The following GRID1 variants were observed in gnomAD, a reference collection of about 807,000 sequenced individuals.
The protein encoded by GRID1 is glutamate ionotropic receptor delta type subunit 1, also known as glutamate receptor ionotropic, delta-1.
Under a neutral mutation model 98.0 loss-of-function variants are expected in GRID1, and 28 were observed. The observed-to-expected ratio is 0.29, with a 90% CI of 0.21 to 0.39. GRID1 has a LOEUF of 0.39. Among genes scored for constraint, GRID1 ranks in the 10% least tolerant of loss-of-function variants. The pLI is 1.00. For synonymous variants in GRID1, 553 were observed against 538.5 expected (o/e 1.03, Z -0.37); for missense variants, 1,111 against 1,340.5 (o/e 0.83, Z 2.67).
chr10:86,060,606 A>G (rs935470433), intron 4 of GRID1, among the ~76,000 whole-genome samples: 4 of 152,312 alleles, frequency 2.6e-5, no homozygotes, highest in South Asian at 2.1e-4. Flanking sequence ...TCACTTAACC[A>G]TGTCAGGTGT....
intron 2 of GRID1, among the ~76,000 whole-genome samples, chr10:86,345,284 A>C (rs2132112753): frequency 6.6e-6 from 1 of 152,352 alleles, no homozygotes; most frequent in East Asian, 1.9e-4. Context: ...AAAGTCACTC[A>C]GAGTGGTGCA....
chr10:86,150,123 C>A (rs1226327584), intron 3 of GRID1, among the ~76,000 whole-genome samples: 5 of 152,182 alleles, frequency 3.3e-5, no homozygotes, highest in African/African-American at 1.2e-4. Flanking sequence ...TGCTTTGATG[C>A]CATTTTTTCA....
chr10:85,711,082 T>A (rs541503110), intron 12 of GRID1, among the ~76,000 whole-genome samples: 2 of 152,100 alleles, frequency 1.3e-5, no homozygotes, highest in East Asian at 3.9e-4. Flanking sequence ...TTCAAAAAAA[T>A]TAAACATAGG....
At chr10:86,256,777 A>T (rs1846926024) in intron 2 of GRID1, among the ~76,000 whole-genome samples, 1 of 152,124 alleles carries the variant, frequency 6.6e-6, no homozygotes, top group Admixed American at 6.5e-5. Context: ...TGCCCTTCAA[A>T]GCTGGCCTCT....
chr10:86,356,220 C>T (rs1388372087), intron 2 of GRID1, among the ~76,000 whole-genome samples: 2 of 152,200 alleles, frequency 1.3e-5, no homozygotes. Context: ...AGGGACAAGT[C>T]GCTGAGTACA....
intron 4 of GRID1, among the ~76,000 whole-genome samples, chr10:86,017,053 A>T (rs1367257417): frequency 6.6e-6 from 1 of 152,236 alleles, no homozygotes; most frequent in East Asian, 1.9e-4. Flanking sequence ...AGTTACACAC[A>T]TGTAACTACA....
chr10:85,685,414 T>C (rs1590189398), intron 12 of GRID1, among the ~76,000 whole-genome samples: 1 of 152,170 alleles, frequency 6.6e-6, no homozygotes, highest in South Asian at 2.1e-4. Flanking sequence ...AGAAAAAGAA[T>C]GCTTCAATAA....
intron 8 of GRID1, among the ~76,000 whole-genome samples, chr10:85,783,071 G>A (rs1000327522): frequency 6.6e-6 from 1 of 152,160 alleles, no homozygotes; most frequent in African/African-American, 2.4e-5. Context: ...CACAAACAGG[G>A]AAATGCTATT....
intron 12 of GRID1, among the ~76,000 whole-genome samples, chr10:85,694,958 T>C (rs1841377698): frequency 1.3e-5 from 2 of 151,838 alleles, no homozygotes; most frequent in Admixed American, 1.3e-4. Flanking sequence ...CTTAAATTAA[T>C]ACAAATAAAA....
chr10:85,784,254 A>G (rs751160194), intron 8 of GRID1, among the ~76,000 whole-genome samples: 1 of 152,234 alleles, frequency 6.6e-6, no homozygotes, highest in Non-Finnish European at 1.5e-5. Context: ...TTTACTTTCA[A>G]TAGTGGGGTC....
chr10:86,187,515 A>G (rs1237033208), intron 3 of GRID1, among the ~76,000 whole-genome samples: 5 of 152,214 alleles, frequency 3.3e-5, no homozygotes, highest in African/African-American at 4.8e-5. Context: ...TATGAGAATT[A>G]ACGAATATCC....
At chr10:85,751,135 G>C (rs1842041914) in intron 8 of GRID1, among the ~76,000 whole-genome samples, 1 of 152,174 alleles carries the variant, frequency 6.6e-6, no homozygotes, top group Non-Finnish European at 1.5e-5. Context: ...CAGGAGAGAA[G>C]AGAGCCATGA....
intron 12 of GRID1, among the ~76,000 whole-genome samples, chr10:85,722,801 A>G (rs889128265): frequency 2.0e-5 from 3 of 152,162 alleles, no homozygotes; most frequent in African/African-American, 7.2e-5. Context: ...ATATTATTTA[A>G]TGAATTTATA....
At chr10:86,248,105 T>G (rs1162268912) in intron 2 of GRID1, among the ~76,000 whole-genome samples, 1 of 152,250 alleles carries the variant, frequency 6.6e-6, no homozygotes, top group Non-Finnish European at 1.5e-5. Context: ...TCAGAATCAC[T>G]GCTTGCTTAT....
At position 86,056,581 on chromosome 10, in the gene GRID1, C is replaced by T. The variant is rs1325678212; in HGVS notation, c.726+82238G>A. Among the ~76,000 whole-genome samples, 3 of 152,352 alleles carry T rather than the reference C, an allele frequency of 2.0e-5. No homozygotes were observed. In the East Asian group the frequency reaches 5.8e-4, roughly 29 times the overall value. On this transcript the variant is annotated intron_variant, in intron 4 of 15. Coordinates refer to ENST00000327946, the MANE Select transcript of GRID1 (RefSeq NM_017551.3). Reference sequence around the variant, plus strand: ...CCCCATAAATCAGACTGCCGAGCCACACAGTTAACATAGCACAGACAGATG... The same window carrying T: ...CCCCATAAATCAGACTGCCGAGCCATACAGTTAACATAGCACAGACAGATG...
At chr10:85,690,149 G>T (rs929710254) in intron 12 of GRID1, among the ~76,000 whole-genome samples, 2 of 152,004 alleles carry the variant, frequency 1.3e-5, no homozygotes. Context: ...AAAATAATAT[G>T]TTAAAATATA....
At chr10:86,308,247 T>C (rs1847785903) in intron 2 of GRID1, among the ~76,000 whole-genome samples, 1 of 152,236 alleles carries the variant, frequency 6.6e-6, no homozygotes. Flanking sequence ...ATGTGCAAAC[T>C]GAGCCCACCT....
intron 5 of GRID1, among the ~76,000 whole-genome samples, chr10:85,869,532 A>G (rs965292975): frequency 1.3e-5 from 2 of 152,220 alleles, no homozygotes; most frequent in Admixed American, 6.5e-5. Context: ...GGAGTCACCT[A>G]CCTGATTCTG....
intron 4 of GRID1, among the ~76,000 whole-genome samples, chr10:86,015,500 G>A (rs1402657634): frequency 6.6e-6 from 1 of 152,234 alleles, no homozygotes; most frequent in Non-Finnish European, 1.5e-5. Context: ...GATGAAAACT[G>A]ATACAAAAAT....
Sources: allele counts gnomAD v4.1 joint callset (sites outside exome capture counted in the v4.1 genomes callset), GRCh38; gene constraint gnomAD v4.1.1; transcripts MANE v1.5; gene names NCBI Gene and HGNC (gene_info 2026-07-23, HGNC 2026-07-21).